RASGEF1C: variants seen among roughly 807,000 people sequenced by gnomAD.
RASGEF1C encodes the protein RasGEF domain family member 1C, also known as ras-GEF domain-containing family member 1C.
In RASGEF1C, 27 loss-of-function variants were observed where a neutral mutation model predicts 58.1. The ratio of observed to expected loss-of-function variants is 0.46; its 90% confidence interval spans 0.34 to 0.64. The LOEUF is 0.64. Among genes scored for constraint, RASGEF1C ranks in the 30% least tolerant of loss-of-function variants. The pLI is 0.01. For missense variants in RASGEF1C, 502 were observed against 605.1 expected (o/e 0.83, Z 1.79); for synonymous variants, 243 against 246.3 (o/e 0.99, Z 0.13).
intron 1 of RASGEF1C, among the ~76,000 whole-genome samples, chr5:180,174,607 CATGTGTGTGTCTGT>C (rs1376849775): frequency 1.3e-4 from 9 of 67,610 alleles, no homozygotes; most frequent in African/African-American, 2.5e-4. Context: ...TGTGTGCACG[CATGTGTGTGTCTGT>C]GTGTGTGTGT....
chr5:180,154,752 T>C (rs1867460), intron 1 of RASGEF1C, among the ~76,000 whole-genome samples: 52,861 of 151,792 alleles, frequency 0.35, 11,310 homozygotes, highest in Non-Finnish European at 0.48. Flanking sequence ...GCCCATTTTT[T>C]TTGTATTTTT....
At chr5:180,125,664 C>T (rs1284322933) in intron 6 of RASGEF1C, among the ~76,000 whole-genome samples, 3 of 152,066 alleles carry the variant, frequency 2.0e-5, no homozygotes, top group Non-Finnish European at 4.4e-5. Context: ...TGCCTGTAAT[C>T]CCAGCTACTC....
chr5:180,105,524 T>C (rs1174519180), intron 12 of RASGEF1C, among the ~76,000 whole-genome samples: 1 of 149,210 alleles, frequency 6.7e-6, no homozygotes, highest in East Asian at 2.0e-4. Flanking sequence ...ACTGCGCCAC[T>C]GCACTCCATC....
chr5:180,153,678 C>T (rs1259320567), intron 1 of RASGEF1C, among the ~76,000 whole-genome samples: 1 of 152,166 alleles, frequency 6.6e-6, no homozygotes, highest in African/African-American at 2.4e-5. Context: ...GCATCTTATT[C>T]GTTCTAATAG....
intron 1 of RASGEF1C, among the ~76,000 whole-genome samples, chr5:180,163,323 G>A (rs1390825402): frequency 7.0e-6 from 1 of 142,514 alleles, no homozygotes; most frequent in East Asian, 2.1e-4. Flanking sequence ...CAGTCAACTT[G>A]TTCCTGATCT....
Position 180,102,070 on chromosome 5 carries a change from C to T in RASGEF1C, c.1376+1G>A. 6.3e-7 allele frequency: 1 copy of T among 1,586,082 alleles called. No homozygotes were observed. The highest frequency in any genetic ancestry group is 8.7e-7 in the Non-Finnish European group (1 of 1,154,420). Reference sequence around the variant, plus strand: ...GGCCCCACCTTGGCAGGAAGACTCACCTTAGAGCTTTCCATCTTTCTTTTT... The same window carrying T: ...GGCCCCACCTTGGCAGGAAGACTCATCTTAGAGCTTTCCATCTTTCTTTTT... On this transcript the variant is annotated splice_donor_variant, in intron 13 of 13. Transcript: ENST00000361132. LOFTEE classifies it high-confidence loss of function.
chr5:180,177,406 C>CG lies in RASGEF1C; in HGVS notation c.-7+31621dup, dbSNP rs547169429. ...CCCAGCAGCCCCAGCAAAAGCTCTT[C>CG]GGTGAGTGCCTGCGCAATCTGCCCG... On this transcript the variant is annotated intron_variant, in intron 1 of 13. Transcript: ENST00000361132. The surrounding 1 kb of genome is among the most constrained non-coding windows in gnomAD (Gnocchi z 5.0). Among the ~76,000 whole-genome samples, 109 of 152,348 alleles carry CG rather than the reference C, an allele frequency of 7.2e-4. No individual in the cohort carries two copies. The highest frequency in any genetic ancestry group is 2.4e-3 in the African/African-American group (101 of 41,584).
At chr5:180,121,820 C>G (rs1005194217) in intron 6 of RASGEF1C, among the ~76,000 whole-genome samples, 3 of 152,164 alleles carry the variant, frequency 2.0e-5, no homozygotes, top group Non-Finnish European at 4.4e-5. Context: ...CATGAGCGTC[C>G]GCAAGCATCT....
intron 1 of RASGEF1C, among the ~76,000 whole-genome samples, chr5:180,204,012 A>G (rs59623482): frequency 0.28 from 41,808 of 151,050 alleles, 5,884 homozygotes; most frequent in East Asian, 0.4. Flanking sequence ...ACAAACAAAC[A>G]ACAACAACAA....
intron 1 of RASGEF1C, among the ~76,000 whole-genome samples, chr5:180,157,963 AATAATG>A (rs1249220651): frequency 6.6e-6 from 1 of 152,234 alleles, no homozygotes; most frequent in African/African-American, 2.4e-5. Context: ...CACTCTGGGT[AATAATG>A]ATGTAGCAAT....
intron 1 of RASGEF1C, among the ~76,000 whole-genome samples, chr5:180,172,031 A>G (rs1561750134): frequency 6.6e-6 from 1 of 152,212 alleles, no homozygotes; most frequent in Non-Finnish European, 1.5e-5. Context: ...CCCGCAAGGA[A>G]TCTGCACTTC....
At chr5:180,138,874 C>G (rs1766531789) in intron 1 of RASGEF1C, among the ~76,000 whole-genome samples, 2 of 152,294 alleles carry the variant, frequency 1.3e-5, no homozygotes, top group South Asian at 2.1e-4. Context: ...ATCTTCACTC[C>G]CCTATCCCTC....
intron 1 of RASGEF1C, among the ~76,000 whole-genome samples, chr5:180,149,821 A>T (rs1414313308): frequency 6.6e-6 from 1 of 151,974 alleles, no homozygotes; most frequent in Non-Finnish European, 1.5e-5. Context: ...TTGTTGTTGT[A>T]TTTTCCAGTT....
chr5:180,129,106 G>A (rs1766318166), intron 4 of RASGEF1C, among the ~76,000 whole-genome samples: 1 of 152,208 alleles, frequency 6.6e-6, no homozygotes, highest in South Asian at 2.1e-4. Context: ...GAGACAGGAG[G>A]TCAGTGGAAG....
At position 180,198,251 on chromosome 5, in the gene RASGEF1C, T is replaced by C. The variant is rs1421517656; in HGVS notation, c.-7+10777A>G. Reference sequence around the variant, plus strand: ...CCCAGCAGAAGAGGACCAGGACCCCTGCTATGATTTCTGAAAGTCAAAGAC... The same window carrying C: ...CCCAGCAGAAGAGGACCAGGACCCCCGCTATGATTTCTGAAAGTCAAAGAC... On this transcript the variant is annotated intron_variant, in intron 1 of 13. Coordinates refer to ENST00000361132, the MANE Select transcript of RASGEF1C (RefSeq NM_175062.4). This position sits in a 1 kb window ranked among gnomAD's most constrained non-coding sequence, Gnocchi z 4.5. Among the ~76,000 whole-genome samples the C allele has an allele frequency of 6.6e-6, 1 of 152,132 alleles. No homozygotes were observed. Among genetic ancestry groups the C allele is most frequent in the African/African-American group, 2.4e-5 (1 of 41,440 alleles).
rs937697723 is a variant in RASGEF1C, at chr5:180,179,134, A to G, written c.-7+29894T>C. ...TCTGGATCGAGCTGGAATCAGGGGCATGCAGCCCAGTGCCTGCATTCTGCG... is the reference window on the plus strand; with the variant it reads ...TCTGGATCGAGCTGGAATCAGGGGCGTGCAGCCCAGTGCCTGCATTCTGCG... On this transcript the variant is annotated intron_variant, in intron 1 of 13. Coordinates refer to ENST00000361132, the MANE Select transcript of RASGEF1C (RefSeq NM_175062.4). Among the ~76,000 whole-genome samples the G allele has an allele frequency of 1.1e-4, 16 of 152,290 alleles. No homozygotes were observed. The East Asian group carries it at 3.1e-3, about 29-fold the overall frequency.
In RASGEF1C at chr5:180,118,779, T is replaced by C. The variant is rs1252262040; in HGVS notation, c.987+8A>G. On this transcript the variant is annotated splice_region_variant and intron_variant, in intron 9 of 13. Coordinates refer to ENST00000361132, the MANE Select transcript of RASGEF1C (RefSeq NM_175062.4). ...GGAGGCACCCGGCAGCCCAGCAGCC[T>C]CATTTACCTCGAGGATGAAAAACTT... 4 of 1,614,020 alleles carry C rather than the reference T, an allele frequency of 2.5e-6. No individual in the cohort carries two copies. Among genetic ancestry groups the C allele is most frequent in the Non-Finnish European group, 3.4e-6 (4 of 1,179,968 alleles).
At chr5:180,165,210 C>A (rs1448928193) in intron 1 of RASGEF1C, among the ~76,000 whole-genome samples, 2 of 152,086 alleles carry the variant, frequency 1.3e-5, no homozygotes, top group African/African-American at 2.4e-5. Context: ...TTTAAAAAAA[C>A]CCACTCTGGC....
intron 1 of RASGEF1C, among the ~76,000 whole-genome samples, chr5:180,205,594 C>T (rs564571101): frequency 6.6e-6 from 1 of 152,148 alleles, no homozygotes; most frequent in African/African-American, 2.4e-5. Flanking sequence ...GAAATCCTTG[C>T]AGTAAAAAGC....
Sources: gnomAD v4.1 joint callset for allele counts (sites outside exome capture counted in the v4.1 genomes callset) on GRCh38, gnomAD v4.1.1 for gene constraint, Gnocchi (gnomAD v3.1) non-coding constraint, MANE v1.5 for transcripts, NCBI Gene and HGNC (gene_info 2026-07-23, HGNC 2026-07-21) for gene names.